CCDC40: variants seen among roughly 807,000 people sequenced by gnomAD.
The protein encoded by CCDC40 is coiled-coil domain 40 molecular ruler complex subunit.
A neutral mutation model predicts 124.5 loss-of-function variants in CCDC40; 104 were observed. The ratio of observed to expected loss-of-function variants is 0.84; its 90% confidence interval spans 0.71 to 0.98. The LOEUF (loss-of-function observed/expected upper bound fraction) is 0.98. CCDC40 is among the 50% of genes least tolerant of loss of function. The pLI, the probability that CCDC40 is intolerant of heterozygous loss-of-function variation, is 0.00. For missense variants in CCDC40, 1,463 were observed against 1,503.9 expected, an observed-to-expected ratio of 0.97 and a Z score of 0.45; for synonymous variants, 580 against 602.9, an observed-to-expected ratio of 0.96 and a Z score of 0.56.
intron 4 of CCDC40, 82 bp downstream of exon 4, chr17:80,047,484 T>G (rs933044945): frequency 7.1e-7 from 1 of 1,415,078 alleles, no homozygotes; most frequent in Non-Finnish European, 9.7e-7. Context: ...TGCCACTCGT[T>G]TGTCATCCGT....
intron 19 of CCDC40, among the ~76,000 whole-genome samples, chr17:80,099,125 A>AG (rs1470296399): frequency 6.6e-6 from 1 of 151,814 alleles, no homozygotes; most frequent in Non-Finnish European, 1.5e-5. Context: ...TACTAAAAAA[A>AG]AAAAAAATAC....
At chr17:80,074,293 G>A (rs2038261088) in intron 10 of CCDC40, among the ~76,000 whole-genome samples, 2 of 152,130 alleles carry the variant, frequency 1.3e-5, no homozygotes, top group South Asian at 4.1e-4. Flanking sequence ...GGCGGATCAC[G>A]AGGTCAGGAG....
chr17:80,048,707 T>G lies in CCDC40; in HGVS notation c.801T>G (p.Ser267Arg). The change falls in exon 5 of 20, where the codon AGT becomes AGG. Residue 267 changes from serine to arginine, a missense_variant. Transcript: ENST00000397545. ...AMAERVESEG[S>R]DEEAEDEGSQ... The stretch of plus-strand genomic sequence containing the variant: ...CAGAGAGAGTGGAGTCCGAGGGGAG[T>G]GACGAGGAAGCAGAAGACGAAGGGT... 6.2e-7 allele frequency: 1 copy of G among 1,612,780 alleles called. No homozygotes were observed. The highest frequency in any genetic ancestry group is 8.5e-7 in the Non-Finnish European group (1 of 1,179,670).
At chr17:80,090,243 ACGAACAACACGGGACGCGCGCGGGCACGT>A (rs1567813373) in intron 17 of CCDC40, 2 of 875,152 alleles carry the variant, frequency 2.3e-6, no homozygotes, top group Non-Finnish European at 3.3e-6. Flanking sequence ...AGGCACGTGC[ACGAACAACACGGGACGCGCGCGGGCACGT>A]GCACGAACAA....
chr17:80,052,582 C>T (rs936223462), intron 7 of CCDC40, among the ~76,000 whole-genome samples: 5 of 144,534 alleles, frequency 3.5e-5, no homozygotes, highest in Admixed American at 1.3e-4. Context: ...TAACCATCAC[C>T]GACACTAAAC....
intron 18 of CCDC40, among the ~76,000 whole-genome samples, chr17:80,095,748 T>C (rs574912324): frequency 1.1e-3 from 161 of 152,320 alleles, no homozygotes; most frequent in African/African-American, 3.8e-3. Context: ...TCTGGGAGAC[T>C]GCAGAATGCC....
chr17:80,063,664 GAA>G (rs928969087), intron 9 of CCDC40, among the ~76,000 whole-genome samples: 1 of 152,184 alleles, frequency 6.6e-6, no homozygotes, highest in African/African-American at 2.4e-5. Flanking sequence ...TTATCCAAAG[GAA>G]AGGGAATCCG....
At chr17:80,037,339 A>C (rs1454389789) in intron 1 of CCDC40, among the ~76,000 whole-genome samples, 1 of 152,218 alleles carries the variant, frequency 6.6e-6, no homozygotes, top group African/African-American at 2.4e-5. Context: ...TCTGTTTAAA[A>C]GGATAGAAAC....
intron 12 of CCDC40, among the ~76,000 whole-genome samples, chr17:80,084,330 G>A (rs924601868): frequency 2.6e-5 from 4 of 152,042 alleles, no homozygotes; most frequent in Non-Finnish European, 4.4e-5. Flanking sequence ...AGCAGGAACC[G>A]TCAAACACAC....
chr17:80,048,853 C>A, intron 5 of CCDC40, 92 bp downstream of exon 5: 3 of 1,137,802 alleles, frequency 2.6e-6, no homozygotes, highest in Non-Finnish European at 3.9e-6. Flanking sequence ...CCACTCCTGA[C>A]CCTAAATGCT....
Position 80,051,650 on chromosome 17 carries a change from A to G in CCDC40, c.1159+1367A>G, listed in dbSNP as rs1248798896. Among the ~76,000 whole-genome samples the G allele has an allele frequency of 8.3e-4, 120 of 143,824 alleles. No homozygotes were observed. In the East Asian group the frequency reaches 0.013, roughly 16 times the overall value. The allele number at this position is 143,824 out of a possible 152,430, so 94.4% of individuals were successfully genotyped here. A position where few individuals can be genotyped will look rare whatever the true frequency, so the allele number is the denominator to read the frequency against. On this transcript the variant is annotated intron_variant, in intron 7 of 19. Coordinates refer to ENST00000397545, the MANE Select transcript of CCDC40 (RefSeq NM_017950.4). ...TCTCAAAAAAAAAAAAAAAAAAAAA[A>G]AAAAGAAAAAAGAACCTCTCTCCAG...
intron 9 of CCDC40, among the ~76,000 whole-genome samples, chr17:80,063,996 A>G (rs1337025680): frequency 6.6e-6 from 1 of 152,172 alleles, no homozygotes. Flanking sequence ...AGCTAAAATA[A>G]AAGGAAATAC....
intron 10 of CCDC40, among the ~76,000 whole-genome samples, chr17:80,073,685 G>A (rs1474918501): frequency 1.3e-5 from 2 of 152,074 alleles, no homozygotes; most frequent in Non-Finnish European, 2.9e-5. Context: ...AGAGTCTCAT[G>A]CCTCTCACTT....
Position 80,088,062 on chromosome 17 carries a change from G to A in CCDC40, c.2671G>A (p.Glu891Lys), listed in dbSNP as rs773796940. Reference sequence around the variant, plus strand: ...GCAGGACAAGCTGAACCAGCTCAGCGAGGAGAAGGCGACCCTCCTGAATCA... The same window carrying A: ...GCAGGACAAGCTGAACCAGCTCAGCAAGGAGAAGGCGACCCTCCTGAATCA... ...KMQDKLNQLS[E>K]EKATLLNQLV... Residue 891 changes from glutamate (E) to lysine (K), a missense_variant, in exon 16 of 20, where the codon GAG becomes AAG. Transcript: ENST00000397545. The A allele has an allele frequency of 7.4e-6, 12 of 1,613,684 alleles. No homozygotes were observed. The highest frequency in any genetic ancestry group is 2.7e-5 in the African/African-American group (2 of 74,808).
chr17:80,081,254 G>A (rs907541425), intron 10 of CCDC40, among the ~76,000 whole-genome samples: 12 of 151,870 alleles, frequency 7.9e-5, no homozygotes, highest in African/African-American at 2.2e-4. Flanking sequence ...GCATGGTGGC[G>A]CACACCTGTA....
rs952746552 is a variant in CCDC40 at position 80,058,345 on chromosome 17, T to C, written c.1160-149T>C. On this transcript the variant is annotated intron_variant, in intron 7 of 19. Coordinates refer to ENST00000397545, the MANE Select transcript of CCDC40 (RefSeq NM_017950.4). This position sits in a 1 kb window ranked among gnomAD's most constrained non-coding sequence, Gnocchi z 4.2. ...TGACAAAGTCTGTGTCTTGATAGTT[T>C]AAAAGCAGTTTCCCAGTCTTACCCA... is the stretch of plus-strand genomic sequence containing the variant. 1.5e-6 allele frequency: 1 copy of C among 660,560 alleles called. No homozygotes were observed. Among genetic ancestry groups the C allele is most frequent in the Non-Finnish European group, 2.7e-6 (1 of 375,672 alleles). The allele number at this position is 660,560 out of a possible 1,614,324, so 40.9% of individuals were successfully genotyped here. A position where few individuals can be genotyped will look rare whatever the true frequency, so the allele number is the denominator to read the frequency against.
chr17:80,051,796 C>T (rs2037605371), intron 7 of CCDC40, among the ~76,000 whole-genome samples: 1 of 152,368 alleles, frequency 6.6e-6, no homozygotes. Flanking sequence ...ACGCGTGCCC[C>T]TAACTGCTCC....
chr17:80,056,180 A>G (rs2037744993), intron 7 of CCDC40, among the ~76,000 whole-genome samples: 1 of 150,366 alleles, frequency 6.7e-6, no homozygotes, highest in African/African-American at 2.5e-5. Flanking sequence ...GATTTTTTGC[A>G]TATCTAAGCA....
At position 80,040,124 on chromosome 17, in the gene CCDC40, G is replaced by T; in HGVS notation, c.406G>T (p.Ala136Ser). 1 of 1,614,158 alleles carries T rather than the reference G, an allele frequency of 6.2e-7. No individual in the cohort carries two copies. The highest frequency in any genetic ancestry group is 8.5e-7 in the Non-Finnish European group (1 of 1,180,018). The change falls in exon 3 of 20, where the codon GCT becomes TCT. Residue 136 changes from alanine to serine, a missense_variant. Coordinates refer to ENST00000397545, the MANE Select transcript of CCDC40 (RefSeq NM_017950.4). ...EEAYDSVSGEAGLQGFQQEAT... is the reference protein window; with the variant it reads ...EEAYDSVSGESGLQGFQQEAT... ...GGCATACGATAGTGTTAGCGGGGAGGCTGGTCTCCAAGGCTTCCAGCAAGA... is the reference window on the plus strand; with the variant it reads ...GGCATACGATAGTGTTAGCGGGGAGTCTGGTCTCCAAGGCTTCCAGCAAGA...
Sources: allele counts gnomAD v4.1 joint callset (sites outside exome capture counted in the v4.1 genomes callset), GRCh38; gene constraint gnomAD v4.1.1; non-coding constraint Gnocchi (gnomAD v3.1); transcripts MANE v1.5; gene names NCBI Gene and HGNC (gene_info 2026-07-23, HGNC 2026-07-21).